GFM2: variants seen among roughly 807,000 people sequenced by gnomAD.
The protein encoded by GFM2 is GTP dependent ribosome recycling factor mitochondrial 2.
Under a neutral mutation model 95.4 loss-of-function variants are expected in GFM2, and 72 were observed. That is an observed-to-expected ratio of 0.76 (90% CI 0.62 to 0.92). GFM2 has a LOEUF of 0.92. GFM2 is among the 40% of genes least tolerant of loss of function. The pLI, the probability that GFM2 is intolerant of heterozygous loss-of-function variation, is 0.00. For missense variants in GFM2, 825 were observed against 924.1 expected (o/e 0.89, Z 1.39); for synonymous variants, 276 against 317.5 (o/e 0.87, Z 1.39).
In GFM2 at chr5:74,721,241, A is replaced by AATAAGATATTAGACTGTT. The variant is rs1749856007; in HGVS notation, c.*396_*413dup. 1 of 1,236,574 alleles carries AATAAGATATTAGACTGTT rather than the reference A, an allele frequency of 8.1e-7. No individual in the cohort carries two copies. Among genetic ancestry groups the AATAAGATATTAGACTGTT allele is most frequent in the South Asian group, 1.2e-5 (1 of 82,872 alleles). 76.6% of individuals were successfully genotyped at this position (1,236,574 alleles called of 1,614,324 possible). A position where few individuals can be genotyped will look rare whatever the true frequency, so the allele number is the denominator to read the frequency against. On this transcript the variant is annotated 3_prime_UTR_variant, in exon 21 of 21. Transcript: ENST00000296805. ...TCAACTTTATTTTGAAATCATGTAA[A>AATAAGATATTAGACTGTT]ATAAGATATTAGACTGTTTTTTGAA...
Position 74,725,631 on chromosome 5 carries a change from G to A in GFM2, c.2028+9C>T. ...CCTTAAAGCCATAAGGATTAGGATA[G>A]TTCTATACCTTTTGCACGCATCTTG... On this transcript the variant is annotated intron_variant, in intron 19 of 20. Coordinates refer to ENST00000296805, the MANE Select transcript of GFM2 (RefSeq NM_032380.5). 14 of 1,572,892 alleles carry A rather than the reference G, an allele frequency of 8.9e-6. No homozygotes were observed. The highest frequency in any genetic ancestry group is 1.2e-5 in the Non-Finnish European group (14 of 1,142,796).
chr5:74,738,666 G>T lies in GFM2; in HGVS notation c.1080-24C>A, dbSNP rs760387518. The T allele has an allele frequency of 2.5e-6, 4 of 1,585,656 alleles. No homozygotes were observed. In the Admixed American group the frequency reaches 7.5e-5, roughly 30 times the overall value. ...GCCTATAAAATAAACATTCCAAAAA[G>T]GCCTATAAAATACACTTCCCATAAC... is the stretch of plus-strand genomic sequence containing the variant. On this transcript the variant is annotated intron_variant, in intron 12 of 20. Transcript: ENST00000296805.
chr5:74,738,371 C>T lies in GFM2; in HGVS notation c.1267G>A (p.Glu423Lys). The change falls in exon 14 of 21, where the codon GAA becomes AAA. Residue 423 changes from glutamate to lysine, a missense_variant. Physicochemically the swap from Glu to Lys is moderately conservative, Grantham distance 56. Coordinates refer to ENST00000296805, the MANE Select transcript of GFM2 (RefSeq NM_032380.5). ...TTACCAGCAGTCAATGAAGGGATTT[C>T]TACATGTTGGTCAGCAAACGGCAAA... ...LLLPFADQHV[E>K]IPSLTAGNIA... The T allele has an allele frequency of 6.2e-7, 1 of 1,613,634 alleles. No individual in the cohort carries two copies.
At chr5:74,765,113 C>T in intron 1 of GFM2, 1 of 1,250,920 alleles carries the variant, frequency 8.0e-7, no homozygotes, top group Non-Finnish European at 1.0e-6. Flanking sequence ...TCATTGGTAA[C>T]GCCAAAGTTC....
intron 18 of GFM2, 60 bp downstream of exon 18, chr5:74,725,881 T>G: frequency 6.7e-7 from 1 of 1,500,064 alleles, no homozygotes; most frequent in South Asian, 1.2e-5. Flanking sequence ...ATCTGTAATA[T>G]AAGGAGTGAT....
rs149163380 is a variant in GFM2 at position 74,738,365 on chromosome 5, G to A, written c.1273C>T (p.Pro425Ser). The A allele has an allele frequency of 4.3e-6, 7 of 1,613,402 alleles. No individual in the cohort carries two copies. In the African/African-American group the frequency reaches 6.7e-5, roughly 15 times the overall value. Reference sequence around the variant, plus strand: ...GCAATGTTACCAGCAGTCAATGAAGGGATTTCTACATGTTGGTCAGCAAAC... The same window carrying A: ...GCAATGTTACCAGCAGTCAATGAAGAGATTTCTACATGTTGGTCAGCAAAC... ...LPFADQHVEI[P>S]SLTAGNIALT... The change falls in exon 14 of 21, where the codon CCT becomes TCT. Residue 425 changes from proline to serine, a missense_variant. Transcript: ENST00000296805.
chr5:74,727,360 G>A (rs1295897124), intron 17 of GFM2, among the ~76,000 whole-genome samples: 2 of 152,098 alleles, frequency 1.3e-5, no homozygotes, highest in East Asian at 3.9e-4. Flanking sequence ...ACATATGCAT[G>A]TATTTCTAAG....
chr5:74,726,951 G>A (rs1750173928), intron 17 of GFM2, among the ~76,000 whole-genome samples: 1 of 152,144 alleles, frequency 6.6e-6, no homozygotes. Context: ...AGGATTACTT[G>A]AGGCCAGGAA....
intron 16 of GFM2, among the ~76,000 whole-genome samples, chr5:74,732,300 A>C (rs1324099221): frequency 6.6e-6 from 1 of 151,606 alleles, no homozygotes; most frequent in Non-Finnish European, 1.5e-5. Flanking sequence ...CTGTTATCAT[A>C]CTCTTCAGTA....
chr5:74,738,226 GGATT>G, intron 14 of GFM2, 88 bp downstream of exon 14: 1 of 895,766 alleles, frequency 1.1e-6, no homozygotes, highest in African/African-American at 1.7e-5. Flanking sequence ...ATGGACATTT[GGATT>G]GTTTATGGGT....
intron 4 of GFM2, 83 bp from the exon 5 acceptor site, chr5:74,759,029 A>G: frequency 1.3e-6 from 1 of 784,918 alleles, no homozygotes; most frequent in East Asian, 2.6e-5. Flanking sequence ...CAAAGCTGGT[A>G]TTTCTATAAT....
rs763385749 is a variant in GFM2 at position 74,726,076 on chromosome 5, C to T, written c.1777G>A (p.Val593Met). ...GDKRHLVTVE[V>M]EARPIETSSV... ...GATGTTTCAATTGGCCTTGCTTCCA[C>T]TTCTACAGTCACAAGATGCCTTTTG... Residue 593 changes from valine (V) to methionine (M), a missense_variant, in exon 18 of 21, where the codon GTG becomes ATG. By Grantham distance (21) the Val-to-Met change is conservative (BLOSUM62 1). Transcript: ENST00000296805. 1.9e-6 allele frequency: 3 copies of T among 1,612,806 alleles called. No individual in the cohort carries two copies. Among genetic ancestry groups the T allele is most frequent in the African/African-American group, 1.3e-5 (1 of 74,746 alleles).
intron 14 of GFM2, among the ~76,000 whole-genome samples, chr5:74,737,845 C>T (rs1742908593): frequency 6.6e-6 from 1 of 152,048 alleles, no homozygotes; most frequent in Non-Finnish European, 1.5e-5. Flanking sequence ...GGAGTGTCTA[C>T]TATATGCAAA....
chr5:74,734,949 G>A (rs771154378), intron 15 of GFM2, among the ~76,000 whole-genome samples: 3 of 152,116 alleles, frequency 2.0e-5, no homozygotes, highest in Non-Finnish European at 4.4e-5. Context: ...ACTGGCTGGT[G>A]CAATTTCACT....
At chr5:74,724,222 T>C (rs896806140) in intron 19 of GFM2, among the ~76,000 whole-genome samples, 3 of 152,206 alleles carry the variant, frequency 2.0e-5, no homozygotes, top group African/African-American at 4.8e-5. Flanking sequence ...TTAGAAGGCA[T>C]ATTACATTTT....
intron 1 of GFM2, among the ~76,000 whole-genome samples, chr5:74,766,536 C>T (rs965420364): frequency 3.0e-4 from 45 of 152,188 alleles, no homozygotes; most frequent in African/African-American, 1.0e-3. Context: ...ACTAGGGGGC[C>T]ACTAAATACA....
rs560453776 is a variant in GFM2, at chr5:74,755,862, G to A, written c.304+2987C>T. ...AATCCTCCCTAAATCATTCTATGAA[G>A]CCAGTATCACCGTAATACCAAAAGC... On this transcript the variant is annotated intron_variant, in intron 5 of 20. Coordinates refer to ENST00000296805, the MANE Select transcript of GFM2 (RefSeq NM_032380.5). Among the ~76,000 whole-genome samples the A allele has an allele frequency of 2.8e-4, 43 of 152,242 alleles. No individual in the cohort carries two copies. The East Asian group carries it at 7.9e-3, about 28-fold the overall frequency.
chr5:74,731,768 A>G (rs1579977739), intron 16 of GFM2, among the ~76,000 whole-genome samples: 1 of 152,336 alleles, frequency 6.6e-6, no homozygotes, highest in East Asian at 1.9e-4. Context: ...ATGCTGCTGC[A>G]TAACAGCACA....
intron 2 of GFM2, among the ~76,000 whole-genome samples, chr5:74,761,330 T>G (rs1744273975): frequency 6.6e-6 from 1 of 152,146 alleles, no homozygotes; most frequent in South Asian, 2.1e-4. Flanking sequence ...AGCCAAACAA[T>G]CTGTTTAAAC....
Sources: gnomAD v4.1 joint callset for allele counts (sites outside exome capture counted in the v4.1 genomes callset) on GRCh38, gnomAD v4.1.1 for gene constraint, MANE v1.5 for transcripts, NCBI Gene and HGNC (gene_info 2026-07-23, HGNC 2026-07-21) for gene names.